GNA14: variants seen among roughly 807,000 people sequenced by gnomAD.
The protein encoded by GNA14 is G protein subunit alpha 14, also known as guanine nucleotide-binding protein subunit alpha-14.
A neutral mutation model predicts 42.0 loss-of-function variants in GNA14; 50 were observed. That is an observed-to-expected ratio of 1.19 (90% CI 0.95 to 1.51). The LOEUF (loss-of-function observed/expected upper bound fraction) is 1.51, where lower values mean the gene tolerates loss of function less well. GNA14 is among the 40% of genes most tolerant of loss of function. The pLI is 0.00. For synonymous variants in GNA14, 173 were observed against 163.1 expected, an observed-to-expected ratio of 1.06 and a Z score of -0.46; for missense variants, 473 against 446.2, an observed-to-expected ratio of 1.06 and a Z score of -0.54.
chr9:77,537,672 G>A lies in GNA14; in HGVS notation c.125-8419C>T, dbSNP rs540501189. On this transcript the variant is annotated intron_variant, in intron 1 of 6. Transcript: ENST00000341700. ...AATTCTCCATACTGTTTTCCATAGT[G>A]GTTATATTAGTTTACATTCCCACCA... Among the ~76,000 whole-genome samples the A allele has an allele frequency of 4.1e-4, 62 of 152,124 alleles. 1 individual carries two copies. The highest frequency in any genetic ancestry group is 7.8e-4 in the Non-Finnish European group (53 of 68,030).
chr9:77,632,474 AG>A (rs1269069006), intron 1 of GNA14, among the ~76,000 whole-genome samples: 1 of 152,246 alleles, frequency 6.6e-6, no homozygotes, highest in East Asian at 1.9e-4. Flanking sequence ...GTGGCCCTGT[AG>A]GGGCTAAAAG....
chr9:77,528,793 C>T (rs1311546326), intron 2 of GNA14, among the ~76,000 whole-genome samples: 8 of 152,154 alleles, frequency 5.3e-5, no homozygotes, highest in African/African-American at 1.7e-4. Context: ...TGTATGACTT[C>T]CTTTTCTCAG....
At chr9:77,628,201 C>T (rs1304175385) in intron 1 of GNA14, among the ~76,000 whole-genome samples, 2 of 152,158 alleles carry the variant, frequency 1.3e-5, no homozygotes, top group African/African-American at 4.8e-5. Flanking sequence ...TGAAGGACCT[C>T]TTCAAGAGAA....
At chr9:77,487,967 A>C (rs1425351976) in intron 2 of GNA14, among the ~76,000 whole-genome samples, 1 of 152,140 alleles carries the variant, frequency 6.6e-6, no homozygotes, top group Non-Finnish European at 1.5e-5. Context: ...TGAAAAACCC[A>C]GTTGACATCA....
intron 1 of GNA14, among the ~76,000 whole-genome samples, chr9:77,588,556 G>A (rs1823340945): frequency 6.6e-6 from 1 of 152,110 alleles, no homozygotes; most frequent in Non-Finnish European, 1.5e-5. Flanking sequence ...GGTGAGAAGA[G>A]AAGGAAAGTT....
chr9:77,491,007 A>AT (rs951375461), intron 2 of GNA14, among the ~76,000 whole-genome samples: 3 of 152,204 alleles, frequency 2.0e-5, no homozygotes, highest in African/African-American at 7.2e-5. Context: ...AAGGAGCCAC[A>AT]TTTTTTCTGG....
chr9:77,493,298 G>A (rs1171338612), intron 2 of GNA14, among the ~76,000 whole-genome samples: 2 of 151,724 alleles, frequency 1.3e-5, no homozygotes, highest in Non-Finnish European at 2.9e-5. Context: ...ATTTGGATAC[G>A]GGCATTTAGT....
intron 2 of GNA14, among the ~76,000 whole-genome samples, chr9:77,464,438 G>A (rs1162570321): frequency 6.6e-6 from 1 of 151,598 alleles, no homozygotes; most frequent in Non-Finnish European, 1.5e-5. Flanking sequence ...AACTTTTAAC[G>A]TGAAGACCAT....
intron 1 of GNA14, among the ~76,000 whole-genome samples, chr9:77,610,370 GT>G (rs1823710940): frequency 6.6e-6 from 1 of 152,116 alleles, no homozygotes; most frequent in African/African-American, 2.4e-5. Context: ...TTGTCAGTTT[GT>G]TTTACAGAAT....
In GNA14 at chr9:77,528,366, G is replaced by A. The variant is rs1837474687; in HGVS notation, c.309+703C>T. On this transcript the variant is annotated intron_variant, in intron 2 of 6. Transcript: ENST00000341700. ...CTTATTTCTAATCTAGTTGCTTAATGAACTCAGACATAGTATTATTCTCCT... is the reference window on the plus strand; with the variant it reads ...CTTATTTCTAATCTAGTTGCTTAATAAACTCAGACATAGTATTATTCTCCT... Among the ~76,000 whole-genome samples, 2 of 152,002 alleles carry A rather than the reference G, an allele frequency of 1.3e-5. 1 individual carries two copies. Among genetic ancestry groups the A allele is most frequent in the South Asian group, 4.2e-4 (2 of 4,818 alleles).
At chr9:77,551,515 C>CT (rs1437248692) in intron 1 of GNA14, among the ~76,000 whole-genome samples, 1 of 151,342 alleles carries the variant, frequency 6.6e-6, no homozygotes, top group Non-Finnish European at 1.5e-5. Context: ...ACTCACCCAC[C>CT]CCCCCTTCAA....
At chr9:77,496,093 T>C in intron 2 of GNA14, among the ~76,000 whole-genome samples, 1 of 152,202 alleles carries the variant, frequency 6.6e-6, no homozygotes, top group East Asian at 1.9e-4. Flanking sequence ...TACATTGTCC[T>C]TGGAAACTTT....
intron 2 of GNA14, among the ~76,000 whole-genome samples, chr9:77,488,020 G>A: frequency 6.6e-6 from 1 of 152,088 alleles, no homozygotes; most frequent in Non-Finnish European, 1.5e-5. Flanking sequence ...CATTGATAAT[G>A]TGGAAGATTC....
At chr9:77,433,431 G>A (rs1264920625) in intron 3 of GNA14, among the ~76,000 whole-genome samples, 3 of 151,824 alleles carry the variant, frequency 2.0e-5, no homozygotes, top group Non-Finnish European at 2.9e-5. Flanking sequence ...CTGTCACTCA[G>A]GCTGTACTGC....
chr9:77,433,706 G>C (rs1358458915), intron 3 of GNA14, among the ~76,000 whole-genome samples: 1 of 152,152 alleles, frequency 6.6e-6, no homozygotes, highest in Non-Finnish European at 1.5e-5. Flanking sequence ...TGCATGCTGG[G>C]ACATCTAAAT....
At chr9:77,488,120 A>T (rs1372236426) in intron 2 of GNA14, among the ~76,000 whole-genome samples, 1 of 152,230 alleles carries the variant, frequency 6.6e-6, no homozygotes, top group African/African-American at 2.4e-5. Context: ...AGAACAAAAA[A>T]TACAAAGCCA....
chr9:77,433,782 G>C (rs1429533361), intron 3 of GNA14, among the ~76,000 whole-genome samples: 1 of 152,208 alleles, frequency 6.6e-6, no homozygotes, highest in Non-Finnish European at 1.5e-5. Context: ...AAAATACAGT[G>C]TGTAGGCCTT....
chr9:77,523,280 A>AT (rs1292376667), intron 2 of GNA14, among the ~76,000 whole-genome samples: 6 of 152,306 alleles, frequency 3.9e-5, no homozygotes, highest in Admixed American at 1.3e-4. Flanking sequence ...GGGTGCTGGC[A>AT]TCTGCTCGGC....
At chr9:77,620,565 A>C (rs1823903113) in intron 1 of GNA14, among the ~76,000 whole-genome samples, 1 of 152,168 alleles carries the variant, frequency 6.6e-6, no homozygotes, top group East Asian at 1.9e-4. Context: ...AAACAAATCC[A>C]TTGCTGGGCG....
Sources: gnomAD v4.1 joint callset for allele counts (sites outside exome capture counted in the v4.1 genomes callset) on GRCh38, gnomAD v4.1.1 for gene constraint, MANE v1.5 for transcripts, NCBI Gene and HGNC (gene_info 2026-07-23, HGNC 2026-07-21) for gene names.